Variants in PSD3 observed in about 807,000 individuals in gnomAD.
PSD3 encodes the protein pleckstrin and Sec7 domain containing 3.
In PSD3, 49 loss-of-function variants were observed where a neutral mutation model predicts 105.5. That is an observed-to-expected ratio of 0.46 (90% confidence interval 0.37 to 0.59). The LOEUF (loss-of-function observed/expected upper bound fraction) is 0.59. PSD3 is among the 20% of genes least tolerant of loss of function. The pLI is 0.00. For synonymous variants in PSD3, 557 were observed against 457.8 expected (o/e 1.22, Z -2.77); for missense variants, 1,561 against 1,263.8 (o/e 1.24, Z -3.57).
rs371038991 is a variant in PSD3, at chr8:18,889,308, C to T, written c.131-16575G>A. On this transcript the variant is annotated intron_variant, in intron 2 of 15. Coordinates refer to ENST00000327040, the MANE Select transcript of PSD3 (RefSeq NM_015310.4). ...TTATTATCTGTGTTCTTGATACTCCCGTATTTGGGGCCTTGACTGTGGAGA... is the reference window on the plus strand; with the variant it reads ...TTATTATCTGTGTTCTTGATACTCCTGTATTTGGGGCCTTGACTGTGGAGA... Among the ~76,000 whole-genome samples the T allele has an allele frequency of 3.2e-4, 49 of 152,178 alleles. No homozygotes were observed. The South Asian group carries it at 9.6e-3, about 30-fold the overall frequency.
chr8:18,812,623 A>G (rs1811791627), intron 4 of PSD3, among the ~76,000 whole-genome samples: 1 of 152,136 alleles, frequency 6.6e-6, no homozygotes, highest in Non-Finnish European at 1.5e-5. Context: ...AGCAACTTCA[A>G]GGGTGGGGTT....
intron 4 of PSD3, among the ~76,000 whole-genome samples, chr8:18,827,951 G>A (rs1436689847): frequency 2.1e-5 from 3 of 144,550 alleles, no homozygotes; most frequent in African/African-American, 7.7e-5. Flanking sequence ...AGAAGCAAAA[G>A]CTAGTATTTC....
At chr8:18,959,593 T>C (rs1040071602) in intron 1 of PSD3, among the ~76,000 whole-genome samples, 2 of 152,022 alleles carry the variant, frequency 1.3e-5, no homozygotes, top group African/African-American at 4.8e-5. Context: ...TGCCTATGAC[T>C]CCACCCACCT....
chr8:18,855,294 A>C (rs1443041546), intron 4 of PSD3, among the ~76,000 whole-genome samples: 1 of 152,228 alleles, frequency 6.6e-6, no homozygotes, highest in Non-Finnish European at 1.5e-5. Context: ...ACCATGCAGT[A>C]ATTTTATTCC....
intron 2 of PSD3, among the ~76,000 whole-genome samples, chr8:18,894,457 T>C (rs147503924): frequency 0.047 from 7,114 of 152,246 alleles, 204 homozygotes; most frequent in South Asian, 0.081. Context: ...ACAGTTCCGT[T>C]GTGTGAGAAG....
chr8:19,060,348 T>C (rs778838681), intron 1 of PSD3, among the ~76,000 whole-genome samples: 2 of 152,198 alleles, frequency 1.3e-5, no homozygotes, highest in Non-Finnish European at 2.9e-5. Context: ...GTATCTACAG[T>C]TTACTTTTAG....
chr8:18,649,299 C>G (rs1808296539), intron 10 of PSD3, among the ~76,000 whole-genome samples: 1 of 152,230 alleles, frequency 6.6e-6, no homozygotes, highest in Admixed American at 6.5e-5. Flanking sequence ...CCACTCCTCA[C>G]ACCAGTGTGC....
rs532126632 is a variant in PSD3 at position 19,076,516 on chromosome 8, G to A, written c.324+7690C>T. ...TATTAAATATAAGGGCAAATAGTCT[G>A]AAAGACCTAAGGGTACCAGCAAGCA... On this transcript the variant is annotated intron_variant, in intron 1 of 1. Transcript: ENST00000521475. 3.3e-5 allele frequency among the ~76,000 whole-genome samples: 5 copies of A among 152,266 alleles called. No homozygotes were observed. The South Asian group carries it at 1.0e-3, about 32-fold the overall frequency.
chr8:18,705,308 G>C (rs1459004950), intron 9 of PSD3, among the ~76,000 whole-genome samples: 1 of 152,066 alleles, frequency 6.6e-6, no homozygotes, highest in East Asian at 1.9e-4. Context: ...CGGGTGGACT[G>C]CTCAAGCTCA....
chr8:18,587,388 T>C (rs1237244099), intron 12 of PSD3, among the ~76,000 whole-genome samples: 1 of 151,142 alleles, frequency 6.6e-6, no homozygotes, highest in Admixed American at 6.6e-5. Flanking sequence ...ACCATCTCTT[T>C]AATTTTCGTG....
intron 11 of PSD3, among the ~76,000 whole-genome samples, chr8:18,621,943 G>C (rs917062178): frequency 3.9e-5 from 6 of 152,180 alleles, no homozygotes; most frequent in Non-Finnish European, 8.8e-5. Flanking sequence ...TTTCAGTATG[G>C]ATGACTCAGA....
chr8:18,801,714 C>T (rs1213613241), intron 6 of PSD3, among the ~76,000 whole-genome samples: 2 of 152,042 alleles, frequency 1.3e-5, no homozygotes, highest in Non-Finnish European at 2.9e-5. Flanking sequence ...CCTGTAATCC[C>T]AGCTACTCAG....
intron 12 of PSD3, among the ~76,000 whole-genome samples, chr8:18,581,057 G>C (rs1802781766): frequency 6.6e-6 from 1 of 152,182 alleles, no homozygotes; most frequent in South Asian, 2.1e-4. Context: ...CAGAAACTGA[G>C]AGAGAAACTC....
chr8:18,578,233 T>C (rs1360539816), intron 12 of PSD3, among the ~76,000 whole-genome samples: 2 of 152,120 alleles, frequency 1.3e-5, no homozygotes, highest in Non-Finnish European at 2.9e-5. Flanking sequence ...GCCATCCATT[T>C]AGTCTGAAAC....
At chr8:18,953,348 G>A (rs1002387313) in intron 1 of PSD3, among the ~76,000 whole-genome samples, 4 of 151,996 alleles carry the variant, frequency 2.6e-5, no homozygotes, top group Non-Finnish European at 4.4e-5. Flanking sequence ...ACATACATAT[G>A]GTTTACAAAC....
intron 9 of PSD3, among the ~76,000 whole-genome samples, chr8:18,679,996 AC>A (rs1178390061): frequency 2.0e-5 from 3 of 152,248 alleles, no homozygotes; most frequent in South Asian, 2.1e-4. Context: ...ACATTCACCT[AC>A]AACAACATAA....
intron 2 of PSD3, among the ~76,000 whole-genome samples, chr8:18,926,865 C>A (rs949047120): frequency 6.6e-5 from 10 of 152,194 alleles, no homozygotes; most frequent in Non-Finnish European, 1.2e-4. Flanking sequence ...TCCCTCTACC[C>A]CACCCCTAAC....
intron 4 of PSD3, among the ~76,000 whole-genome samples, chr8:18,840,126 C>T (rs1563332511): frequency 6.6e-6 from 1 of 152,154 alleles, no homozygotes; most frequent in Non-Finnish European, 1.5e-5. Flanking sequence ...AATCACTCCA[C>T]AGTAAATCAA....
chr8:18,934,155 A>C (rs1383012652), intron 2 of PSD3, among the ~76,000 whole-genome samples: 1 of 152,222 alleles, frequency 6.6e-6, no homozygotes, highest in Non-Finnish European at 1.5e-5. Context: ...AAATAATCCC[A>C]TCTAACATGT....
Sources: gnomAD v4.1 joint callset for allele counts (sites outside exome capture counted in the v4.1 genomes callset) on GRCh38, gnomAD v4.1.1 for gene constraint, MANE v1.5 for transcripts, NCBI Gene and HGNC (gene_info 2026-07-23, HGNC 2026-07-21) for gene names.